The following ME1 variants were observed in gnomAD, a reference collection of about 807,000 sequenced individuals.
ME1 encodes the protein malic enzyme 1, also known as NADP-dependent malic enzyme.
ME1 carries 74 observed loss-of-function variants against 66.4 expected under a neutral mutation model. The ratio of observed to expected loss-of-function variants is 1.11; its 90% confidence interval spans 0.92 to 1.35. The LOEUF is 1.35. Ranked by LOEUF, ME1 falls within the 40% of genes most tolerant of loss-of-function variation. The probability of loss-of-function intolerance (pLI) is 0.00; values close to 1 mark genes in which losing one functional copy is unlikely to be tolerated. For missense variants in ME1, 750 were observed against 694.1 expected, an observed-to-expected ratio of 1.08 and a Z score of -0.90; for synonymous variants, 251 against 235.6, an observed-to-expected ratio of 1.07 and a Z score of -0.60.
chr6:83,348,393 G>A (rs1233613703), intron 4 of ME1, among the ~76,000 whole-genome samples: 1 of 152,184 alleles, frequency 6.6e-6, no homozygotes, highest in African/African-American at 2.4e-5. Context: ...TTATGAATGT[G>A]ATCTTTACAT....
At position 83,223,890 on chromosome 6, in the gene ME1, G is replaced by C. The variant is rs183307268; in HGVS notation, c.1319C>G (p.Thr440Ser). The change falls in exon 12 of 14, where the codon ACT becomes AGT. Residue 440 changes from threonine to serine, a missense_variant. Coordinates refer to ENST00000369705, the MANE Select transcript of ME1 (RefSeq NM_002395.6). ...FASGSPFDPV[T>S]LPNGQTLYPG... The stretch of plus-strand genomic sequence containing the variant: ...ATATAGGGTCTGTCCATTTGGAAGA[G>C]TGACTGGATCAAAAGGACTGCCACT... The C allele has an allele frequency of 1.2e-5, 19 of 1,613,956 alleles. No homozygotes were observed. The highest frequency in any genetic ancestry group is 1.6e-5 in the Non-Finnish European group (19 of 1,179,988).
At chr6:83,356,272 C>T (rs536054598) in intron 3 of ME1, among the ~76,000 whole-genome samples, 2 of 152,188 alleles carry the variant, frequency 1.3e-5, no homozygotes, top group South Asian at 4.1e-4. Flanking sequence ...GCCAATTTTA[C>T]TATCTTTTGA....
At position 83,211,888 on chromosome 6, in the gene ME1, A is replaced by T. The variant is rs996289644; in HGVS notation, c.*36T>A. 5.7e-6 allele frequency: 8 copies of T among 1,401,988 alleles called. No homozygotes were observed. In the Admixed American group the frequency reaches 1.8e-4, roughly 31 times the overall value. The allele number at this position is 1,401,988 out of a possible 1,614,324, so 86.8% of individuals were successfully genotyped here. On this transcript the variant is annotated 3_prime_UTR_variant, in exon 14 of 14. Coordinates refer to ENST00000369705, the MANE Select transcript of ME1 (RefSeq NM_002395.6). ...TTTAAAAATTATGAAAGGTTTAAAG[A>T]CCTCATTAATAGAGTTAGAAATGTT...
At chr6:83,417,099 G>C (rs902050174) in intron 1 of ME1, among the ~76,000 whole-genome samples, 10 of 152,100 alleles carry the variant, frequency 6.6e-5, no homozygotes, top group Non-Finnish European at 1.2e-4. Context: ...GCCCAGGATA[G>C]AGTGCGGTAG....
rs542257997 is a variant in ME1, at chr6:83,314,102, C to T, written c.704+1208G>A. 3.3e-5 allele frequency among the ~76,000 whole-genome samples: 5 copies of T among 152,218 alleles called. No individual in the cohort carries two copies. In the South Asian group the frequency reaches 1.0e-3, roughly 32 times the overall value. ...TTTAAATAGTATGTGGTTTCTGTGG[C>T]TACACAGTAACCAAGGGATGACTGT... On this transcript the variant is annotated intron_variant, in intron 6 of 13. Transcript: ENST00000369705.
rs572166544 is a variant in ME1 at position 83,221,146 on chromosome 6, G to A, written c.1449+2614C>T. ...CTACACTCCAGCTTGGCAACAGAGC[G>A]AGACTCCGTCTCAAAAAAAAAAGAT... On this transcript the variant is annotated intron_variant, in intron 12 of 13. Transcript: ENST00000369705. Among the ~76,000 whole-genome samples, 58 of 140,576 alleles carry A rather than the reference G, an allele frequency of 4.1e-4. No homozygotes were observed. In the East Asian group the frequency reaches 0.012, roughly 28 times the overall value. The allele number at this position is 140,576 out of a possible 152,430, so 92.2% of individuals were successfully genotyped here. A position where few individuals can be genotyped will look rare whatever the true frequency, so the allele number is the denominator to read the frequency against.
intron 6 of ME1, among the ~76,000 whole-genome samples, chr6:83,260,931 T>A (rs920392401): frequency 1.3e-5 from 2 of 152,206 alleles, no homozygotes; most frequent in Admixed American, 6.5e-5. Context: ...AATGTGTGCA[T>A]GCATCTTTGT....
At chr6:83,423,384 C>T (rs1344660362) in intron 1 of ME1, among the ~76,000 whole-genome samples, 2 of 150,856 alleles carry the variant, frequency 1.3e-5, no homozygotes, top group Admixed American at 1.3e-4. Flanking sequence ...AGAAATGATA[C>T]CCCAAAACAA....
intron 6 of ME1, among the ~76,000 whole-genome samples, chr6:83,302,520 G>A (rs145186577): frequency 2.0e-4 from 31 of 152,216 alleles, no homozygotes; most frequent in African/African-American, 7.0e-4. Context: ...AGAAAAGAAT[G>A]AGGCCCTGAC....
At chr6:83,242,679 A>G (rs1790531491) in intron 7 of ME1, among the ~76,000 whole-genome samples, 1 of 152,178 alleles carries the variant, frequency 6.6e-6, no homozygotes, top group Admixed American at 6.5e-5. Flanking sequence ...AAACTCTACT[A>G]AAACAATAGA....
At chr6:83,357,935 C>CTCTCTCTCTATATATATA (rs1447805761) in intron 3 of ME1, among the ~76,000 whole-genome samples, 3 of 30,038 alleles carry the variant, frequency 1.0e-4, no homozygotes, top group African/African-American at 1.2e-4. Context: ...CTCTCTCTCT[C>CTCTCTCTCTATATATATA]TATATATATA....
At chr6:83,404,149 C>T (rs888836412) in intron 2 of ME1, among the ~76,000 whole-genome samples, 3 of 152,146 alleles carry the variant, frequency 2.0e-5, no homozygotes, top group Admixed American at 6.6e-5. Flanking sequence ...TATTTCTCTA[C>T]AGCCTCACCA....
chr6:83,414,679 G>A (rs1770126350), intron 1 of ME1, among the ~76,000 whole-genome samples: 1 of 152,060 alleles, frequency 6.6e-6, no homozygotes, highest in Admixed American at 6.5e-5. Flanking sequence ...TGGATGAGAG[G>A]TTTAAGTATT....
chr6:83,340,799 C>T (rs1427570957), intron 5 of ME1, among the ~76,000 whole-genome samples: 1 of 151,756 alleles, frequency 6.6e-6, no homozygotes, highest in Admixed American at 6.6e-5. Context: ...AACTATATTT[C>T]CTTAAAAGGT....
chr6:83,231,068 C>A (rs948562453), intron 9 of ME1, among the ~76,000 whole-genome samples: 1 of 151,984 alleles, frequency 6.6e-6, no homozygotes. Context: ...AATAATGAGT[C>A]TAAAGAAGAA....
chr6:83,251,504 T>G lies in ME1; in HGVS notation c.814+2125A>C, dbSNP rs558502019. Among the ~76,000 whole-genome samples, 321 of 148,306 alleles carry G rather than the reference T, an allele frequency of 2.2e-3. 3 individuals carry two copies. The highest frequency in any genetic ancestry group is 8.0e-3 in the African/African-American group (310 of 38,912). On this transcript the variant is annotated intron_variant, in intron 7 of 13. Transcript: ENST00000369705. ...GCAAGACTCTGTCTCAAAAAAAAAATTGCATAAATATATAAAAATGCTACT... is the reference window on the plus strand; with the variant it reads ...GCAAGACTCTGTCTCAAAAAAAAAAGTGCATAAATATATAAAAATGCTACT...
chr6:83,259,025 T>C (rs868260463), intron 6 of ME1, among the ~76,000 whole-genome samples: 1 of 152,180 alleles, frequency 6.6e-6, no homozygotes, highest in Admixed American at 6.6e-5. Flanking sequence ...TATGAACAGA[T>C]ATTGGTGAGA....
chr6:83,315,302 A>T lies in ME1; in HGVS notation c.704+8T>A. The stretch of plus-strand genomic sequence containing the variant: ...TGACTAAAATATAGGTTAAATAAAG[A>T]TACATACTTGGAAGAAACTGCCTCC... On this transcript the variant is annotated splice_region_variant and intron_variant, in intron 6 of 13. Coordinates refer to ENST00000369705, the MANE Select transcript of ME1 (RefSeq NM_002395.6). The T allele has an allele frequency of 1.3e-6, 2 of 1,534,950 alleles. No homozygotes were observed. Among genetic ancestry groups the T allele is most frequent in the Non-Finnish European group, 1.8e-6 (2 of 1,112,750 alleles).
intron 5 of ME1, among the ~76,000 whole-genome samples, chr6:83,324,716 C>T (rs1219815031): frequency 2.0e-5 from 1 of 49,306 alleles, no homozygotes; most frequent in Non-Finnish European, 3.7e-5. Flanking sequence ...GCCTACCAAC[C>T]AAAAAAAAAA....
Sources: gnomAD v4.1 joint callset for allele counts (sites outside exome capture counted in the v4.1 genomes callset) on GRCh38, gnomAD v4.1.1 for gene constraint, MANE v1.5 for transcripts, NCBI Gene and HGNC (gene_info 2026-07-23, HGNC 2026-07-21) for gene names.